TLE3: variants seen among roughly 807,000 people sequenced by gnomAD.
TLE3 encodes the protein TLE family member 3, transcriptional corepressor.
A neutral mutation model predicts 93.0 loss-of-function variants in TLE3; 14 were observed. The observed-to-expected ratio is 0.15, with a 90% CI of 0.10 to 0.24. The LOEUF is 0.24. Ranked by LOEUF, TLE3 falls within the 10% of genes least tolerant of loss-of-function variation. The pLI, the probability that TLE3 is intolerant of heterozygous loss-of-function variation, is 1.00. For synonymous variants in TLE3, 451 were observed against 425.0 expected, an observed-to-expected ratio of 1.06 and a Z score of -0.75; for missense variants, 693 against 1,046.6, an observed-to-expected ratio of 0.66 and a Z score of 4.66.
chr15:70,050,124 C>G lies in TLE3; in HGVS notation c.2283G>C (p.Lys761Asn). The change falls in exon 20 of 20, where the codon AAG (lysine) becomes AAC (asparagine). Residue 761 changes from lysine to asparagine, a missense_variant. By Grantham distance (94) the Lys-to-Asn change is moderately conservative (BLOSUM62 0). This residue lies in a region of TLE3 where 153 missense variants were observed against 379.9 expected (regional missense o/e 0.40). Coordinates refer to ENST00000451782, the MANE Select transcript of TLE3 (RefSeq NM_001105192.3). The part of the protein sequence containing the change: ...KYIVTGSGDK[K>N]ATVYEVIY Reference sequence around the variant, plus strand: ...AGTAGATGACCTCATAAACTGTGGCCTTCTTGTCACCAGAGCCTGTTACAA... The same window carrying G: ...AGTAGATGACCTCATAAACTGTGGCGTTCTTGTCACCAGAGCCTGTTACAA... 1 of 1,614,090 alleles carries G rather than the reference C, an allele frequency of 6.2e-7. No individual in the cohort carries two copies. Among genetic ancestry groups the G allele is most frequent in the Non-Finnish European group, 8.5e-7 (1 of 1,179,944 alleles).
At position 70,096,977 on chromosome 15, in the gene TLE3, G is replaced by A. The variant is rs865971482; in HGVS notation, c.-179C>T. 1 of 740,908 alleles carries A rather than the reference G, an allele frequency of 1.3e-6. No homozygotes were observed. The highest frequency in any genetic ancestry group is 2.3e-6 in the Non-Finnish European group (1 of 442,552). The allele number at this position is 740,908 out of a possible 1,614,324, so 45.9% of individuals were successfully genotyped here. A position where few individuals can be genotyped will look rare whatever the true frequency, so the allele number is the denominator to read the frequency against. ...CAGAGTCGGGCGCCCGCCCCAAGTG[G>A]AGACAAAGAGCCGCGGAGCAGGCGG... On this transcript the variant is annotated 5_prime_UTR_variant, in exon 1 of 20. Coordinates refer to ENST00000451782, the MANE Select transcript of TLE3 (RefSeq NM_001105192.3).
At chr15:70,072,331 G>T (rs561729073) in intron 6 of TLE3, among the ~76,000 whole-genome samples, 132 of 152,344 alleles carry the variant, frequency 8.7e-4, no homozygotes, top group African/African-American at 2.9e-3. Flanking sequence ...TCCAAAGAGG[G>T]GGGCAGAGGG....
intron 4 of TLE3, among the ~76,000 whole-genome samples, chr15:70,083,995 G>A (rs533108123): frequency 2.6e-5 from 4 of 152,342 alleles, no homozygotes; most frequent in African/African-American, 7.2e-5. Flanking sequence ...GAAGGCAGGA[G>A]TGATGGCATT....
In TLE3 at chr15:70,076,241, C is replaced by A. The variant is rs1469904642; in HGVS notation, c.235-83G>T. On this transcript the variant is annotated intron_variant, in intron 4 of 19. Coordinates refer to ENST00000451782, the MANE Select transcript of TLE3 (RefSeq NM_001105192.3). ...TCATAGGCAAGTGGAAATGCAAACT[C>A]CCCCCAGACCACAGCCCCTCTCCAC... is the stretch of plus-strand genomic sequence containing the variant. 4.4e-5 allele frequency: 50 copies of A among 1,128,936 alleles called. No individual in the cohort carries two copies. The South Asian group carries it at 5.8e-4, about 13-fold the overall frequency. 69.9% of individuals were successfully genotyped at this position (1,128,936 alleles called of 1,614,324 possible).
chr15:70,064,632 T>C (rs2056699243), intron 7 of TLE3, among the ~76,000 whole-genome samples, 162 bp from the exon 8 acceptor site: 3 of 152,232 alleles, frequency 2.0e-5, no homozygotes, highest in African/African-American at 7.2e-5. Context: ...TCTCCGTGGA[T>C]CAGCCAAGGC....
chr15:70,059,740 C>T (rs1488988088), intron 9 of TLE3, among the ~76,000 whole-genome samples: 1 of 152,232 alleles, frequency 6.6e-6, no homozygotes, highest in Non-Finnish European at 1.5e-5. Flanking sequence ...AGTTCTAAGC[C>T]CCTGCCCCCA....
chr15:70,091,322 C>T (rs890832178), intron 4 of TLE3, among the ~76,000 whole-genome samples: 13 of 152,270 alleles, frequency 8.5e-5, no homozygotes, highest in African/African-American at 2.7e-4. Flanking sequence ...CCTGACCCAG[C>T]TTCTCAGAGA....
At chr15:70,053,830 A>G (rs8032946) in intron 16 of TLE3, 62,996 of 159,154 alleles carry the variant, frequency 0.4, 13,425 homozygotes, top group Middle Eastern at 0.59. Flanking sequence ...TTGCCCTCTT[A>G]ATCTATCTCT....
intron 2 of TLE3, 97 bp downstream of exon 2, chr15:70,096,064 G>T (rs572621231): frequency 1.4e-6 from 2 of 1,393,258 alleles, no homozygotes; most frequent in Non-Finnish European, 1.9e-6. Context: ...GCCGCCCCTA[G>T]GTCGGGAGCC....
intron 3 of TLE3, chr15:70,095,277 T>G (rs2142096845): frequency 7.7e-7 from 1 of 1,303,712 alleles, no homozygotes. Flanking sequence ...GATAGGGCAA[T>G]GGCAATCAGC....
At chr15:70,072,046 T>C (rs1373471062) in intron 6 of TLE3, among the ~76,000 whole-genome samples, 3 of 152,196 alleles carry the variant, frequency 2.0e-5, no homozygotes, top group East Asian at 1.9e-4. Flanking sequence ...TGAGGCTCTG[T>C]CAGGCGCAGC....
intron 4 of TLE3, among the ~76,000 whole-genome samples, chr15:70,085,527 G>A (rs1410592616): frequency 6.6e-6 from 1 of 152,170 alleles, no homozygotes; most frequent in Non-Finnish European, 1.5e-5. Flanking sequence ...GGAAGAGCTG[G>A]GTAGGGGTCT....
chr15:70,077,181 C>T (rs1157750560), intron 4 of TLE3, among the ~76,000 whole-genome samples: 1 of 152,234 alleles, frequency 6.6e-6, no homozygotes, highest in Non-Finnish European at 1.5e-5. Context: ...AGAAAGTCAA[C>T]AGTTTCCACC....
intron 4 of TLE3, among the ~76,000 whole-genome samples, chr15:70,076,411 A>C (rs1383661486): frequency 6.6e-6 from 1 of 152,202 alleles, no homozygotes; most frequent in East Asian, 1.9e-4. Context: ...GGTAGTCTAC[A>C]TGTCTGGTTC....
At chr15:70,094,681 T>C (rs766511646) in intron 3 of TLE3, 105 bp from the exon 4 acceptor site, 1 of 833,204 alleles carries the variant, frequency 1.2e-6, no homozygotes, top group Non-Finnish European at 1.9e-6. Flanking sequence ...ACTTTTACGA[T>C]ACATTTGCTA....
At chr15:70,072,146 C>T (rs1463474994) in intron 6 of TLE3, among the ~76,000 whole-genome samples, 1 of 152,184 alleles carries the variant, frequency 6.6e-6, no homozygotes, top group Non-Finnish European at 1.5e-5. Flanking sequence ...GGGTCACAGG[C>T]CCCACTCGTT....
intron 6 of TLE3, among the ~76,000 whole-genome samples, chr15:70,072,436 G>T (rs1042781870): frequency 1.3e-5 from 2 of 152,148 alleles, no homozygotes; most frequent in African/African-American, 4.8e-5. Context: ...TGAGGAGCTG[G>T]AAGAGGAGAA....
chr15:70,054,080 G>C (rs1304692978), intron 16 of TLE3: 2 of 202,112 alleles, frequency 9.9e-6, no homozygotes, highest in Non-Finnish European at 2.0e-5. Flanking sequence ...TTGTCCTGAG[G>C]CTTGTTTAGC....
At chr15:70,069,724 A>G (rs1021110961) in intron 6 of TLE3, among the ~76,000 whole-genome samples, 1 of 152,242 alleles carries the variant, frequency 6.6e-6, no homozygotes, top group Non-Finnish European at 1.5e-5. Context: ...GGCTTGTCAG[A>G]CGGAGGGTCC....
Sources: gnomAD v4.1 joint callset for allele counts (sites outside exome capture counted in the v4.1 genomes callset) on GRCh38, gnomAD v4.1.1 for gene constraint, gnomAD v4.1.1 regional missense constraint, MANE v1.5 for transcripts, NCBI Gene and HGNC (gene_info 2026-07-23, HGNC 2026-07-21) for gene names.